Variants in PCDH15 observed in about 807,000 individuals in gnomAD.
PCDH15 encodes protocadherin-15.
In PCDH15, 129 loss-of-function variants were observed where a neutral mutation model predicts 178.5. That is an observed-to-expected ratio of 0.72 (90% CI 0.63 to 0.84). PCDH15 has a LOEUF of 0.84. Among genes scored for constraint, PCDH15 ranks in the 40% least tolerant of loss-of-function variants. The pLI is 0.00. For missense variants in PCDH15, 2,230 were observed against 2,099.9 expected (o/e 1.06, Z -1.21); for synonymous variants, 800 against 732.0 (o/e 1.09, Z -1.50).
chr10:54,717,968 G>T (rs1168776106), intron 1 of PCDH15, among the ~76,000 whole-genome samples: 5 of 146,776 alleles, frequency 3.4e-5, no homozygotes, highest in Admixed American at 6.9e-5. Flanking sequence ...GTAGGGACAC[G>T]GATGAAATTG....
At chr10:53,951,798 G>A (rs2087081371) in intron 23 of PCDH15, among the ~76,000 whole-genome samples, 1 of 152,130 alleles carries the variant, frequency 6.6e-6, no homozygotes, top group South Asian at 2.1e-4. Flanking sequence ...TCTTCTACCG[G>A]CCCAGATCCC....
chr10:54,555,324 G>C (rs1056072995), intron 2 of PCDH15, among the ~76,000 whole-genome samples: 1 of 152,052 alleles, frequency 6.6e-6, no homozygotes. Context: ...CTTTAACATC[G>C]TTTGCTCATT....
At chr10:54,819,400 T>C (rs1953001615) in intron 3 of PCDH15, among the ~76,000 whole-genome samples, 1 of 152,080 alleles carries the variant, frequency 6.6e-6, no homozygotes, top group Non-Finnish European at 1.5e-5. Context: ...TTTCTGTTTT[T>C]ACAAATAATA....
At chr10:54,195,264 T>C (rs1450649069) in intron 11 of PCDH15, among the ~76,000 whole-genome samples, 1 of 152,198 alleles carries the variant, frequency 6.6e-6, no homozygotes, top group Non-Finnish European at 1.5e-5. Context: ...TCAAATATAT[T>C]TTAATAACGA....
chr10:54,692,589 T>C (rs1480756076), intron 1 of PCDH15, among the ~76,000 whole-genome samples: 1 of 150,564 alleles, frequency 6.6e-6, no homozygotes, highest in African/African-American at 2.4e-5. Flanking sequence ...CAAATAAAAA[T>C]CGGTTAGAGC....
chr10:55,133,928 A>C (rs1024872792), intron 2 of PCDH15, among the ~76,000 whole-genome samples: 5 of 152,032 alleles, frequency 3.3e-5, no homozygotes, highest in African/African-American at 1.2e-4. Context: ...CACTAACATT[A>C]ATCTTTTATC....
At chr10:55,195,011 T>A (rs2132150890) in intron 1 of PCDH15, among the ~76,000 whole-genome samples, 1 of 151,102 alleles carries the variant, frequency 6.6e-6, no homozygotes, top group East Asian at 2.0e-4. Flanking sequence ...ACACAAGACA[T>A]GGAAGAAGAA....
intron 15 of PCDH15, among the ~76,000 whole-genome samples, chr10:54,090,590 G>A (rs2094583751): frequency 6.7e-6 from 1 of 148,470 alleles, no homozygotes; most frequent in Non-Finnish European, 1.5e-5. Context: ...GTTTCAATGA[G>A]CTGAGATCAT....
chr10:54,609,354 G>T (rs2092884089), intron 2 of PCDH15, among the ~76,000 whole-genome samples: 1 of 151,986 alleles, frequency 6.6e-6, no homozygotes, highest in South Asian at 2.1e-4. Context: ...AAAAAATTCT[G>T]TGTTAAAGAT....
At chr10:55,187,402 T>G (rs566634848) in intron 1 of PCDH15, among the ~76,000 whole-genome samples, 1 of 152,006 alleles carries the variant, frequency 6.6e-6, no homozygotes, top group Non-Finnish European at 1.5e-5. Flanking sequence ...TGTATTCGAA[T>G]GTAAACTTTA....
At chr10:53,961,671 A>C (rs2088331298) in intron 22 of PCDH15, 81 bp downstream of exon 22, 1 of 1,046,694 alleles carries the variant, frequency 9.6e-7, no homozygotes, top group Non-Finnish European at 1.3e-6. Context: ...GAAAGAAAAA[A>C]ATGTGCTGTC....
At chr10:55,624,137 T>C (rs933105829) in intron 2 of PCDH15, among the ~76,000 whole-genome samples, 1 of 152,004 alleles carries the variant, frequency 6.6e-6, no homozygotes, top group Non-Finnish European at 1.5e-5. Flanking sequence ...TCAATCTCAA[T>C]ATATCAATCA....
chr10:54,244,508 G>A (rs2055724498), intron 8 of PCDH15, among the ~76,000 whole-genome samples: 1 of 152,110 alleles, frequency 6.6e-6, no homozygotes, highest in Non-Finnish European at 1.5e-5. Context: ...CTTGTTCCAC[G>A]CTGTCCAAGT....
intron 2 of PCDH15, among the ~76,000 whole-genome samples, chr10:54,583,114 A>G (rs1435420407): frequency 6.6e-6 from 1 of 152,100 alleles, no homozygotes; most frequent in African/African-American, 2.4e-5. Context: ...ATTACTTGCC[A>G]TAGTTGATAG....
chr10:54,916,479 A>G (rs1308144311), intron 2 of PCDH15, among the ~76,000 whole-genome samples: 1 of 152,202 alleles, frequency 6.6e-6, no homozygotes, highest in African/African-American at 2.4e-5. Flanking sequence ...AGCCACATCT[A>G]TCAAATCTAT....
At chr10:55,115,244 T>A (rs1384386410) in intron 2 of PCDH15, among the ~76,000 whole-genome samples, 1 of 152,288 alleles carries the variant, frequency 6.6e-6, no homozygotes, top group South Asian at 2.1e-4. Flanking sequence ...TCTAAACCAT[T>A]ATTTGCCTTA....
chr10:54,663,617 AG>A (rs971643481), intron 2 of PCDH15, among the ~76,000 whole-genome samples: 3 of 151,062 alleles, frequency 2.0e-5, no homozygotes, highest in African/African-American at 7.3e-5. Flanking sequence ...ACTTACTGTT[AG>A]GGGAAAGCTT....
At chr10:54,026,219 C>T (rs1398967925) in intron 18 of PCDH15, among the ~76,000 whole-genome samples, 2 of 151,986 alleles carry the variant, frequency 1.3e-5, no homozygotes, top group African/African-American at 4.8e-5. Context: ...CAAGCACATG[C>T]CCCCAGGCCT....
intron 2 of PCDH15, among the ~76,000 whole-genome samples, chr10:54,923,903 G>T (rs1396061548): frequency 7.3e-6 from 1 of 137,886 alleles, no homozygotes; most frequent in Non-Finnish European, 1.7e-5. Flanking sequence ...CAGTTCAAAA[G>T]ATGCTTCCAC....
Sources: gnomAD v4.1 joint callset for allele counts (sites outside exome capture counted in the v4.1 genomes callset) on GRCh38, gnomAD v4.1.1 for gene constraint, MANE v1.5 for transcripts, NCBI Gene and HGNC (gene_info 2026-07-23, HGNC 2026-07-21) for gene names.